The following PPP1R12A variants were observed in gnomAD, a reference collection of about 807,000 sequenced individuals.
PPP1R12A encodes the protein myosin binding subunit.
A neutral mutation model predicts 139.6 loss-of-function variants in PPP1R12A; 19 were observed. The observed-to-expected ratio is 0.14, with a 90% CI of 0.09 to 0.20. PPP1R12A has a LOEUF of 0.20. Ranked by LOEUF, PPP1R12A falls within the 10% of genes least tolerant of loss-of-function variation. PPP1R12A has a pLI of 1.00. For missense variants in PPP1R12A, 925 were observed against 1,211.5 expected (o/e 0.76, Z 3.51); for synonymous variants, 427 against 420.6 (o/e 1.02, Z -0.19).
At chr12:79,842,463 A>C (rs558102053) in intron 3 of PPP1R12A, among the ~76,000 whole-genome samples, 1 of 152,212 alleles carries the variant, frequency 6.6e-6, no homozygotes, top group East Asian at 1.9e-4. Flanking sequence ...TTGGCCCTCT[A>C]CATCAATATT....
At chr12:79,802,251 A>G (rs910986502) in intron 14 of PPP1R12A, among the ~76,000 whole-genome samples, 1 of 152,214 alleles carries the variant, frequency 6.6e-6, no homozygotes, top group African/African-American at 2.4e-5. Context: ...TCCCAAGACC[A>G]TTTAAATAGA....
rs530731755 is a variant in PPP1R12A at position 79,843,065 on chromosome 12, T to C, written c.487+2237A>G. ...TTTGTTTTTGGTTTTTTTTGATCAC[T>C]GGCTTATGTCACTTACCATAAAGTC... On this transcript the variant is annotated intron_variant, in intron 3 of 24. Transcript: ENST00000450142. Among the ~76,000 whole-genome samples, 17 of 152,304 alleles carry C rather than the reference T, an allele frequency of 1.1e-4. No individual in the cohort carries two copies. The South Asian group carries it at 3.5e-3, about 32-fold the overall frequency.
At chr12:79,873,069 T>A in intron 1 of PPP1R12A, 131 bp from the exon 2 acceptor site, 1 of 1,031,966 alleles carries the variant, frequency 9.7e-7, no homozygotes. Flanking sequence ...TCTGCTGCTA[T>A]CTTGACTATA....
intron 1 of PPP1R12A, among the ~76,000 whole-genome samples, chr12:79,891,603 T>C (rs1181447003): frequency 6.6e-6 from 1 of 152,216 alleles, no homozygotes; most frequent in African/African-American, 2.4e-5. Flanking sequence ...CACTACCTCA[T>C]GGTAGTCACA....
chr12:79,788,547 C>T, intron 21 of PPP1R12A, 101 bp downstream of exon 21: 1 of 1,134,826 alleles, frequency 8.8e-7, no homozygotes, highest in Non-Finnish European at 1.2e-6. Flanking sequence ...TAAGTTATTT[C>T]AAAATACTCA....
chr12:79,808,605 A>C, intron 10 of PPP1R12A, 28 bp from the exon 11 acceptor site: 2 of 1,417,044 alleles, frequency 1.4e-6, no homozygotes, highest in Non-Finnish European at 2.0e-6. Context: ...AAATAAGTAA[A>C]AATTAATTTG....
rs367948948 is a variant in PPP1R12A at position 79,934,806 on chromosome 12, G to C, written c.126C>G (p.Ala42=). The change falls in exon 1 of 25, where the codon GCC becomes GCG. Residue 42 remains alanine, a synonymous_variant. Coordinates refer to ENST00000450142, the MANE Select transcript of PPP1R12A (RefSeq NM_002480.3). ...QKTKVKFDDG[A]VFLAACSSGD... Reference sequence around the variant, plus strand: ...CGCTGGAGCAAGCAGCCAGGAAGACGGCGCCATCGTCGAACTTCACCTTGG... The same window carrying C: ...CGCTGGAGCAAGCAGCCAGGAAGACCGCGCCATCGTCGAACTTCACCTTGG... The C allele has an allele frequency of 1.7e-5, 27 of 1,591,458 alleles. No homozygotes were observed. In the African/African-American group the frequency reaches 3.1e-4, roughly 18 times the overall value.
At position 79,814,409 on chromosome 12, in the gene PPP1R12A, G is replaced by A. The variant is rs1210017896; in HGVS notation, c.1239+2985C>T. Among the ~76,000 whole-genome samples, 3 of 148,778 alleles carry A rather than the reference G, an allele frequency of 2.0e-5. No homozygotes were observed. In the Admixed American group the frequency reaches 2.0e-4, roughly 10 times the overall value. On this transcript the variant is annotated intron_variant, in intron 9 of 24. Transcript: ENST00000450142. ...GGAGAATGGCGTGAACTTGGGAGGC[G>A]GAGCTTGCAGTGAGCCGAGATCGTG...
chr12:79,882,836 T>G (rs1447862925), intron 1 of PPP1R12A, among the ~76,000 whole-genome samples: 1 of 152,044 alleles, frequency 6.6e-6, no homozygotes, highest in Non-Finnish European at 1.5e-5. Context: ...GCAGCCAACA[T>G]CAAGTCAAGA....
intron 3 of PPP1R12A, among the ~76,000 whole-genome samples, chr12:79,844,872 G>T (rs1879199949): frequency 6.6e-6 from 1 of 151,914 alleles, no homozygotes; most frequent in African/African-American, 2.4e-5. Flanking sequence ...TGTATTCATT[G>T]CTCCCCTTGT....
At chr12:79,908,613 T>C (rs1341215873) in intron 1 of PPP1R12A, among the ~76,000 whole-genome samples, 1 of 152,178 alleles carries the variant, frequency 6.6e-6, no homozygotes, top group African/African-American at 2.4e-5. Flanking sequence ...TATAGTTAAA[T>C]TGAAAATGAA....
rs59787584 is a variant in PPP1R12A at position 79,836,595 on chromosome 12, C to T, written c.488-4104G>A. Among the ~76,000 whole-genome samples, 756 of 152,226 alleles carry T rather than the reference C, an allele frequency of 5.0e-3. 6 individuals carry two copies. The highest frequency in any genetic ancestry group is 0.017 in the African/African-American group (693 of 41,538). On this transcript the variant is annotated intron_variant, in intron 3 of 24. Coordinates refer to ENST00000450142, the MANE Select transcript of PPP1R12A (RefSeq NM_002480.3). ...TGTAAAGTTAACGTGAAGGGCAATTCCTTATGTTTAAGAAAATTAAATTAG... is the reference window on the plus strand; with the variant it reads ...TGTAAAGTTAACGTGAAGGGCAATTTCTTATGTTTAAGAAAATTAAATTAG...
intron 1 of PPP1R12A, among the ~76,000 whole-genome samples, chr12:79,879,398 A>G (rs886183600): frequency 6.6e-6 from 1 of 152,150 alleles, no homozygotes; most frequent in African/African-American, 2.4e-5. Flanking sequence ...ATTGCTGGTG[A>G]AAGTATGAAA....
At chr12:79,903,137 T>C (rs1170339846) in intron 1 of PPP1R12A, among the ~76,000 whole-genome samples, 1 of 152,086 alleles carries the variant, frequency 6.6e-6, no homozygotes, top group Non-Finnish European at 1.5e-5. Context: ...ACAAACTTTG[T>C]TTCATGCACA....
chr12:79,857,192 A>C (rs979791347), intron 2 of PPP1R12A, among the ~76,000 whole-genome samples: 2 of 152,156 alleles, frequency 1.3e-5, no homozygotes, highest in African/African-American at 4.8e-5. Flanking sequence ...CAAATGTCCA[A>C]CAATGATAGA....
chr12:79,880,583 G>A (rs949566926), intron 1 of PPP1R12A, among the ~76,000 whole-genome samples: 4 of 152,090 alleles, frequency 2.6e-5, no homozygotes, highest in Admixed American at 1.3e-4. Flanking sequence ...TAAGTAGTAG[G>A]AGAAAGTAGA....
chr12:79,934,683 G>C lies in PPP1R12A; in HGVS notation c.237+12C>G. On this transcript the variant is annotated intron_variant, in intron 1 of 24. Coordinates refer to ENST00000450142, the MANE Select transcript of PPP1R12A (RefSeq NM_002480.3). The stretch of plus-strand genomic sequence containing the variant: ...CTCACGGTCAGGAGAGCCGGCGGCG[G>C]GGCGCACAGACCTGGTGCAGGGCAG... 6.6e-7 allele frequency: 1 copy of C among 1,512,544 alleles called. No individual in the cohort carries two copies. Among genetic ancestry groups the C allele is most frequent in the Non-Finnish European group, 8.9e-7 (1 of 1,123,260 alleles). 93.7% of individuals were successfully genotyped at this position (1,512,544 alleles called of 1,614,324 possible). A position where few individuals can be genotyped will look rare whatever the true frequency, so the allele number is the denominator to read the frequency against.
chr12:79,785,217 C>A (rs534029533), intron 22 of PPP1R12A, among the ~76,000 whole-genome samples: 1 of 152,238 alleles, frequency 6.6e-6, no homozygotes, highest in African/African-American at 2.4e-5. Context: ...CACTATGAAA[C>A]CTATTCTTGT....
chr12:79,818,771 A>G (rs1164792848), intron 8 of PPP1R12A: 1 of 152,242 alleles, frequency 6.6e-6, no homozygotes, highest in Non-Finnish European at 1.5e-5. Flanking sequence ...GAGAAAGAAC[A>G]CTGAAGAAAA....
Sources: allele counts gnomAD v4.1 joint callset (sites outside exome capture counted in the v4.1 genomes callset), GRCh38; gene constraint gnomAD v4.1.1; transcripts MANE v1.5; gene names NCBI Gene and HGNC (gene_info 2026-07-23, HGNC 2026-07-21).